Variants in BMPR1B observed in about 807,000 individuals in gnomAD.
The protein encoded by BMPR1B is bone morphogenetic protein receptor type 1B.
In BMPR1B, 12 loss-of-function variants were observed where a neutral mutation model predicts 59.1. The observed-to-expected ratio is 0.20, with a 90% CI of 0.13 to 0.33. The LOEUF (loss-of-function observed/expected upper bound fraction) is 0.33. Among genes scored for constraint, BMPR1B ranks in the 10% least tolerant of loss-of-function variants. BMPR1B has a pLI of 1.00. For missense variants in BMPR1B, 550 were observed against 610.9 expected, an observed-to-expected ratio of 0.90 and a Z score of 1.05; for synonymous variants, 237 against 207.3, an observed-to-expected ratio of 1.14 and a Z score of -1.23.
intron 3 of BMPR1B, among the ~76,000 whole-genome samples, chr4:95,085,632 C>T (rs1039677495): frequency 2.0e-5 from 3 of 152,092 alleles, no homozygotes; most frequent in African/African-American, 7.2e-5. Context: ...GGGTTCACCG[C>T]TTGTGAGGAG....
At position 94,898,280 on chromosome 4, in the gene BMPR1B, A is replaced by C. The variant is rs185271989; in HGVS notation, c.-113+22380A>C. 1.6e-3 allele frequency among the ~76,000 whole-genome samples: 247 copies of C among 152,022 alleles called. 1 individual carries two copies. Among genetic ancestry groups the C allele is most frequent in the African/African-American group, 5.7e-3 (237 of 41,498 alleles). ...ACAAGTTATTTTCTGAAAGATTTTA[A>C]ATGTAGTTTAAATTTGCTACTTAGA... On this transcript the variant is annotated intron_variant, in intron 2 of 12. Coordinates refer to ENST00000515059, the MANE Select transcript of BMPR1B (RefSeq NM_001203.3).
chr4:95,134,636 TC>T (rs1733632757), intron 10 of BMPR1B, among the ~76,000 whole-genome samples: 1 of 152,248 alleles, frequency 6.6e-6, no homozygotes, highest in African/African-American at 2.4e-5. Context: ...GAGCATTTTT[TC>T]ATGTGTCTTT....
At chr4:94,998,415 C>T (rs780436763) in intron 3 of BMPR1B, among the ~76,000 whole-genome samples, 1 of 151,066 alleles carries the variant, frequency 6.6e-6, no homozygotes, top group Non-Finnish European at 1.5e-5. Context: ...ATCTTGTTGC[C>T]CAGGCTGGAG....
intron 3 of BMPR1B, among the ~76,000 whole-genome samples, chr4:95,097,023 A>G (rs1255377228): frequency 6.9e-6 from 1 of 145,242 alleles, no homozygotes; most frequent in Admixed American, 7.0e-5. Flanking sequence ...TATTATATAT[A>G]GTTTATATAA....
At chr4:95,036,225 A>T (rs934815357) in intron 3 of BMPR1B, among the ~76,000 whole-genome samples, 1 of 152,110 alleles carries the variant, frequency 6.6e-6, no homozygotes, top group Non-Finnish European at 1.5e-5. Flanking sequence ...ATTTATCCTT[A>T]GTTTTACTCT....
chr4:95,149,533 T>C (rs1215282268), intron 11 of BMPR1B, among the ~76,000 whole-genome samples: 1 of 152,238 alleles, frequency 6.6e-6, no homozygotes, highest in African/African-American at 2.4e-5. Flanking sequence ...GAAGACATAT[T>C]TAAATATTCA....
intron 1 of BMPR1B, among the ~76,000 whole-genome samples, chr4:94,831,233 T>TAAAAA (rs34088781): frequency 0.019 from 1,651 of 88,390 alleles, 44 homozygotes; most frequent in African/African-American, 0.056. Flanking sequence ...GTTTAAAAAG[T>TAAAAA]AAAAAAAAAA....
chr4:94,788,820 A>G (rs536956742), intron 1 of BMPR1B, among the ~76,000 whole-genome samples: 31 of 152,270 alleles, frequency 2.0e-4, no homozygotes, highest in African/African-American at 7.5e-4. Context: ...TGCCTCTCAA[A>G]TCTTCTGCAT....
At chr4:95,120,524 T>A (rs1732397020) in intron 6 of BMPR1B, among the ~76,000 whole-genome samples, 1 of 151,958 alleles carries the variant, frequency 6.6e-6, no homozygotes, top group Non-Finnish European at 1.5e-5. Context: ...AAAGACTCCA[T>A]CAAAAGACTA....
At chr4:94,889,454 G>A (rs1175982282) in intron 2 of BMPR1B, among the ~76,000 whole-genome samples, 1 of 152,004 alleles carries the variant, frequency 6.6e-6, no homozygotes, top group Non-Finnish European at 1.5e-5. Context: ...TTGAAATTGG[G>A]GTTTGTACAA....
chr4:95,124,621 TTTAA>T (rs1309265032), intron 7 of BMPR1B, among the ~76,000 whole-genome samples: 5 of 151,962 alleles, frequency 3.3e-5, no homozygotes, highest in African/African-American at 4.8e-5. Context: ...AATTTACATC[TTTAA>T]TTAATTAGGG....
chr4:95,098,420 T>C (rs1730582054), intron 3 of BMPR1B, among the ~76,000 whole-genome samples: 1 of 152,236 alleles, frequency 6.6e-6, no homozygotes, highest in Admixed American at 6.5e-5. Context: ...TGACTTGATA[T>C]TAAAGTGATC....
intron 3 of BMPR1B, among the ~76,000 whole-genome samples, chr4:95,006,280 C>T (rs946862638): frequency 2.0e-5 from 3 of 150,522 alleles, no homozygotes; most frequent in Non-Finnish European, 4.4e-5. Context: ...CGCGATGGCT[C>T]ACACCTGTAA....
chr4:95,091,853 A>G (rs968272691), intron 3 of BMPR1B, among the ~76,000 whole-genome samples: 2 of 152,124 alleles, frequency 1.3e-5, no homozygotes, highest in Non-Finnish European at 2.9e-5. Flanking sequence ...CTGGTAGTGT[A>G]TAATTTAGCT....
intron 1 of BMPR1B, among the ~76,000 whole-genome samples, chr4:94,860,436 T>TA (rs1725933376): frequency 6.6e-6 from 1 of 152,176 alleles, no homozygotes; most frequent in South Asian, 2.1e-4. Flanking sequence ...GATTGCTTCT[T>TA]ACTGAATTTT....
At chr4:94,898,841 T>C (rs1360127531) in intron 2 of BMPR1B, among the ~76,000 whole-genome samples, 1 of 152,074 alleles carries the variant, frequency 6.6e-6, no homozygotes. Flanking sequence ...ATTAATGTAA[T>C]CAGAAAGTTC....
At chr4:94,838,952 A>G (rs1430461823) in intron 1 of BMPR1B, among the ~76,000 whole-genome samples, 1 of 135,442 alleles carries the variant, frequency 7.4e-6, no homozygotes, top group Non-Finnish European at 1.6e-5. Context: ...AGATTCTGGT[A>G]TGTTGTGTCT....
At position 95,154,810 on chromosome 4, in the gene BMPR1B, A is replaced by C; in HGVS notation, c.*137A>C. ...CTGCTTCCCAGTGGGTTCAGACCTC[A>C]CCTCTCAGGGAGCGACCTGGGCAAA... On this transcript the variant is annotated 3_prime_UTR_variant, in exon 13 of 13. Coordinates refer to ENST00000515059, the MANE Select transcript of BMPR1B (RefSeq NM_001203.3). 1 of 1,299,562 alleles carries C rather than the reference A, an allele frequency of 7.7e-7. No homozygotes were observed. Among genetic ancestry groups the C allele is most frequent in the Non-Finnish European group, 1.1e-6 (1 of 918,898 alleles). 80.5% of individuals were successfully genotyped at this position (1,299,562 alleles called of 1,614,324 possible). A position where few individuals can be genotyped will look rare whatever the true frequency, so the allele number is the denominator to read the frequency against.
rs142043161 is a variant in BMPR1B, at chr4:95,111,621, A to G, written c.144-3099A>G. Among the ~76,000 whole-genome samples the G allele has an allele frequency of 9.9e-4, 151 of 152,206 alleles. 1 individual carries two copies. The highest frequency in any genetic ancestry group is 3.2e-3 in the African/African-American group (134 of 41,560). ...GCATCTATTCTCTGAATGCGTATCT[A>G]CCTAAAAAGAGTATCGCTTGGTCCC... On this transcript the variant is annotated intron_variant, in intron 4 of 12. Coordinates refer to ENST00000515059, the MANE Select transcript of BMPR1B (RefSeq NM_001203.3).
Sources: allele counts gnomAD v4.1 joint callset (sites outside exome capture counted in the v4.1 genomes callset), GRCh38; gene constraint gnomAD v4.1.1; transcripts MANE v1.5; gene names NCBI Gene and HGNC (gene_info 2026-07-23, HGNC 2026-07-21).